The following VGLL4 variants were observed in gnomAD, a reference collection of about 807,000 sequenced individuals.
VGLL4 encodes the protein vestigial like family member 4.
In VGLL4, 7 loss-of-function variants were observed where a neutral mutation model predicts 21.0. The ratio of observed to expected loss-of-function variants is 0.33; its 90% CI spans 0.19 to 0.63. VGLL4 has a LOEUF of 0.63. Ranked by LOEUF, VGLL4 falls within the 20% of genes least tolerant of loss-of-function variation. VGLL4 has a pLI of 0.78. For synonymous variants in VGLL4, 222 were observed against 173.2 expected, an observed-to-expected ratio of 1.28 and a Z score of -2.21; for missense variants, 394 against 425.7, an observed-to-expected ratio of 0.93 and a Z score of 0.66.
At chr3:11,656,631 G>A (rs1419900172) in intron 2 of VGLL4, among the ~76,000 whole-genome samples, 4 of 152,154 alleles carry the variant, frequency 2.6e-5, no homozygotes, top group African/African-American at 4.8e-5. Context: ...GTGTGGTGTC[G>A]CATTCTCGAG....
intron 2 of VGLL4, among the ~76,000 whole-genome samples, chr3:11,599,134 G>A (rs1460343393): frequency 1.3e-5 from 2 of 152,066 alleles, no homozygotes; most frequent in African/African-American, 4.8e-5. Flanking sequence ...TCTGTCATTA[G>A]GCTCTTAGAA....
chr3:11,650,711 C>T (rs1413423483), intron 2 of VGLL4, among the ~76,000 whole-genome samples: 2 of 123,780 alleles, frequency 1.6e-5, no homozygotes, highest in Non-Finnish European at 3.5e-5. Flanking sequence ...TCTTGCTACA[C>T]ATAGAAAACA....
intron 2 of VGLL4, among the ~76,000 whole-genome samples, chr3:11,692,060 T>A (rs904312): frequency 0.028 from 4,320 of 151,602 alleles, 218 homozygotes; most frequent in East Asian, 0.19. Context: ...GCAAATGACA[T>A]TAACCATCCA....
chr3:11,715,467 G>A (rs1193792444), intron 1 of VGLL4, among the ~76,000 whole-genome samples: 3 of 152,024 alleles, frequency 2.0e-5, no homozygotes, highest in Non-Finnish European at 4.4e-5. Flanking sequence ...CCTAGTAGTT[G>A]GGATCACAGG....
chr3:11,681,288 G>A (rs1015826439), intron 2 of VGLL4, among the ~76,000 whole-genome samples: 6 of 152,080 alleles, frequency 3.9e-5, no homozygotes, highest in Non-Finnish European at 8.8e-5. Context: ...TAGTAGAGAC[G>A]GGGTTTCACC....
intron 2 of VGLL4, among the ~76,000 whole-genome samples, chr3:11,575,739 G>C (rs1280965198): frequency 6.6e-6 from 1 of 152,228 alleles, no homozygotes; most frequent in Non-Finnish European, 1.5e-5. Context: ...GGCCCAAAAA[G>C]CCAGGTGGCT....
At chr3:11,624,290 T>C (rs1292985494) in intron 1 of VGLL4, among the ~76,000 whole-genome samples, 3 of 152,172 alleles carry the variant, frequency 2.0e-5, no homozygotes, top group Admixed American at 6.5e-5. Flanking sequence ...AATACCAAGA[T>C]CAGCCAACAC....
Position 11,643,597 on chromosome 3 carries a change from T to G in VGLL4, c.-79A>C. On this transcript the variant is annotated 5_prime_UTR_variant, in exon 1 of 5. Coordinates refer to ENST00000430365, the MANE Select transcript of VGLL4 (RefSeq NM_001128219.3). ...GTTTCAAAAATCAATTGTTGCTGAGTAGCTCCTGGCTCTTCAACTTCACAA... is the reference window on the plus strand; with the variant it reads ...GTTTCAAAAATCAATTGTTGCTGAGGAGCTCCTGGCTCTTCAACTTCACAA... 1.2e-6 allele frequency: 2 copies of G among 1,601,882 alleles called. No homozygotes were observed. The highest frequency in any genetic ancestry group is 1.7e-6 in the Non-Finnish European group (2 of 1,176,240).
intron 2 of VGLL4, among the ~76,000 whole-genome samples, chr3:11,666,208 G>C (rs1575510912): frequency 6.7e-6 from 1 of 149,662 alleles, no homozygotes; most frequent in South Asian, 2.1e-4. Flanking sequence ...GCCGAGATGT[G>C]CCGCTGCACT....
At chr3:11,595,304 T>C (rs948358197) in intron 2 of VGLL4, among the ~76,000 whole-genome samples, 2 of 152,094 alleles carry the variant, frequency 1.3e-5, no homozygotes, top group African/African-American at 4.8e-5. Context: ...TCACACCAGT[T>C]AGAATGGCAA....
intron 2 of VGLL4, among the ~76,000 whole-genome samples, chr3:11,651,123 A>AGAACT (rs2075865388): frequency 6.6e-6 from 1 of 152,154 alleles, no homozygotes; most frequent in Non-Finnish European, 1.5e-5. Context: ...CGGGTGGATC[A>AGAACT]CCTGAGGTCA....
chr3:11,614,333 T>G (rs2075119717), intron 1 of VGLL4, among the ~76,000 whole-genome samples: 1 of 152,372 alleles, frequency 6.6e-6, no homozygotes, highest in South Asian at 2.1e-4. Context: ...ACTCAAAAAC[T>G]ACTCATTTCT....
At chr3:11,602,075 A>C in intron 1 of VGLL4, 53 bp from the exon 2 acceptor site, 12 of 1,440,626 alleles carry the variant, frequency 8.3e-6, no homozygotes, top group Non-Finnish European at 1.0e-5. Flanking sequence ...CCCCCATCTC[A>C]GTCCCCCAGG....
intron 1 of VGLL4, among the ~76,000 whole-genome samples, chr3:11,713,590 A>ATATATC (rs1201095879): frequency 7.2e-6 from 1 of 139,116 alleles, no homozygotes; most frequent in South Asian, 2.3e-4. Context: ...ATATATATAT[A>ATATATC]TCTGCATAAA....
In VGLL4 at chr3:11,561,735, C is replaced by A. The variant is rs2164426; in HGVS notation, c.496-2280G>T. Among the ~76,000 whole-genome samples the A allele has an allele frequency of 0.016, 2,385 of 152,150 alleles. 111 individuals carry two copies. The East Asian group carries it at 0.17, about 11-fold the overall frequency. ...AAACACCCTGTTGGAAGTTACGCTG[C>A]GGATTTGTGGCAGGGCCAGTATGAG... On this transcript the variant is annotated intron_variant, in intron 3 of 4. Coordinates refer to ENST00000430365, the MANE Select transcript of VGLL4 (RefSeq NM_001128219.3).
At position 11,568,737 on chromosome 3, in the gene VGLL4, G is replaced by T; in HGVS notation, c.273-3718C>A. 6.5e-7 allele frequency: 1 copy of T among 1,533,968 alleles called. No individual in the cohort carries two copies. Among genetic ancestry groups the T allele is most frequent in the Non-Finnish European group, 8.8e-7 (1 of 1,139,136 alleles). ...GTGCTCCCGGGGACGGCAGAAAACC[G>T]CACGCATCCTGCCCGGGAGATGGAA... On this transcript the variant is annotated intron_variant, in intron 2 of 4. Transcript: ENST00000430365. The surrounding 1 kb of genome is among the most constrained non-coding windows in gnomAD (Gnocchi z 5.9).
At chr3:11,701,555 C>T (rs962513147) in intron 2 of VGLL4, among the ~76,000 whole-genome samples, 5 of 152,202 alleles carry the variant, frequency 3.3e-5, no homozygotes, top group Non-Finnish European at 5.9e-5. Flanking sequence ...CAGTCCCAAC[C>T]AGGAGTCAAA....
chr3:11,563,434 C>T (rs1015022189), intron 3 of VGLL4, among the ~76,000 whole-genome samples: 4 of 152,234 alleles, frequency 2.6e-5, no homozygotes, highest in Non-Finnish European at 4.4e-5. Flanking sequence ...ACTGCGCACA[C>T]GCCTCTGTTC....
chr3:11,564,699 T>TCACCACCTCCCACCCA, intron 3 of VGLL4, 98 bp downstream of exon 3: 1 of 1,312,706 alleles, frequency 7.6e-7, no homozygotes, highest in Non-Finnish European at 1.0e-6. Flanking sequence ...CCTCCCTCCC[T>TCACCACCTCCCACCCA]CACCACCGCC....
Sources: allele counts gnomAD v4.1 joint callset (sites outside exome capture counted in the v4.1 genomes callset), GRCh38; gene constraint gnomAD v4.1.1; non-coding constraint Gnocchi (gnomAD v3.1); transcripts MANE v1.5; gene names NCBI Gene and HGNC (gene_info 2026-07-23, HGNC 2026-07-21).